Variants in IMPG1 observed in about 807,000 individuals in gnomAD.
IMPG1 encodes the protein interphotoreceptor matrix proteoglycan 1.
A neutral mutation model predicts 92.0 loss-of-function variants in IMPG1; 85 were observed. The ratio of observed to expected loss-of-function variants is 0.92; its 90% CI spans 0.78 to 1.11. The LOEUF (loss-of-function observed/expected upper bound fraction) is 1.11. Ranked by LOEUF, IMPG1 falls within the 50% of genes least tolerant of loss-of-function variation. The pLI is 0.00. For synonymous variants in IMPG1, 367 were observed against 334.1 expected (o/e 1.10, Z -1.08); for missense variants, 1,022 against 956.0 (o/e 1.07, Z -0.91).
chr6:76,052,105 T>A (rs2127596280), intron 1 of IMPG1, among the ~76,000 whole-genome samples: 1 of 152,152 alleles, frequency 6.6e-6, no homozygotes, highest in African/African-American at 2.4e-5. Flanking sequence ...GAACTGAAGT[T>A]GAAGGGAGAG....
chr6:75,970,297 GA>G (rs1172902506), intron 12 of IMPG1, among the ~76,000 whole-genome samples: 1 of 151,750 alleles, frequency 6.6e-6, no homozygotes, highest in Non-Finnish European at 1.5e-5. Context: ...GTGTTGCCTT[GA>G]GCAGTGGTCA....
At chr6:76,036,238 A>G (rs912832358) in intron 2 of IMPG1, among the ~76,000 whole-genome samples, 4 of 152,218 alleles carry the variant, frequency 2.6e-5, no homozygotes, top group Non-Finnish European at 5.9e-5. Context: ...GCACAATATA[A>G]ATAACGACTA....
chr6:76,015,684 C>T (rs1783272954), intron 7 of IMPG1, among the ~76,000 whole-genome samples: 1 of 149,808 alleles, frequency 6.7e-6, no homozygotes, highest in Admixed American at 6.8e-5. Flanking sequence ...CCTGTAATTT[C>T]AACTACTTGG....
At chr6:75,936,090 T>A (rs1019208925) in intron 14 of IMPG1, among the ~76,000 whole-genome samples, 2 of 152,210 alleles carry the variant, frequency 1.3e-5, no homozygotes, top group African/African-American at 4.8e-5. Flanking sequence ...GTTCTACCAG[T>A]GAAGAAGCCT....
intron 12 of IMPG1, among the ~76,000 whole-genome samples, chr6:75,983,194 T>A (rs924220084): frequency 1.3e-5 from 2 of 151,710 alleles, no homozygotes; most frequent in African/African-American, 4.8e-5. Context: ...ATCTATCAAT[T>A]TCAATAAAAT....
intron 15 of IMPG1, among the ~76,000 whole-genome samples, chr6:75,924,671 T>C (rs375863796): frequency 4.0e-4 from 4 of 9,936 alleles, no homozygotes; most frequent in African/African-American, 1.7e-3. Flanking sequence ...TATAATAAAT[T>C]ATATATTATA....
At chr6:76,063,837 G>A (rs576687787) in intron 1 of IMPG1, among the ~76,000 whole-genome samples, 31 of 152,328 alleles carry the variant, frequency 2.0e-4, no homozygotes, top group African/African-American at 6.3e-4. Context: ...GGAAAAGAGT[G>A]CAGTGCACCA....
intron 14 of IMPG1, among the ~76,000 whole-genome samples, chr6:75,932,777 T>C (rs1176247381): frequency 6.6e-6 from 1 of 152,068 alleles, no homozygotes; most frequent in Admixed American, 6.6e-5. Flanking sequence ...CTCAACTCAC[T>C]GTAACCTCCG....
At chr6:76,027,107 A>G (rs896000253) in intron 4 of IMPG1, among the ~76,000 whole-genome samples, 2 of 152,336 alleles carry the variant, frequency 1.3e-5, no homozygotes, top group East Asian at 1.9e-4. Flanking sequence ...AAGCTGTAGT[A>G]CCTTGCAGTG....
chr6:75,955,642 T>A (rs1471113943), intron 12 of IMPG1, among the ~76,000 whole-genome samples: 1 of 152,214 alleles, frequency 6.6e-6, no homozygotes, highest in African/African-American at 2.4e-5. Flanking sequence ...CTATGTTGAA[T>A]AGGAATGGTG....
intron 1 of IMPG1, among the ~76,000 whole-genome samples, chr6:76,061,861 T>A (rs11965460): frequency 0.026 from 3,899 of 152,308 alleles, 142 homozygotes; most frequent in African/African-American, 0.086. Context: ...TGGTGTCTTT[T>A]TGAAGTAATT....
chr6:75,975,055 T>C lies in IMPG1; in HGVS notation c.1292-23961A>G, dbSNP rs990988489. 1.1e-4 allele frequency among the ~76,000 whole-genome samples: 17 copies of C among 152,362 alleles called. No individual in the cohort carries two copies. The South Asian group carries it at 1.4e-3, about 13-fold the overall frequency. On this transcript the variant is annotated intron_variant, in intron 12 of 16. Transcript: ENST00000369950. ...ATCAGAACTAAAATGGATGTATCTG[T>C]TGACTTGGATGTGCCTGTGCCAGGA... is the stretch of plus-strand genomic sequence containing the variant.
intron 1 of IMPG1, among the ~76,000 whole-genome samples, chr6:76,051,845 A>C (rs1346764745): frequency 6.6e-6 from 1 of 152,140 alleles, no homozygotes; most frequent in Non-Finnish European, 1.5e-5. Context: ...ATCAGGTTTA[A>C]CCATCAGACT....
chr6:76,064,832 C>T (rs1161914685), intron 1 of IMPG1, among the ~76,000 whole-genome samples: 2 of 152,126 alleles, frequency 1.3e-5, no homozygotes, highest in African/African-American at 4.8e-5. Flanking sequence ...GGAGATGGAA[C>T]TGCACAACCT....
chr6:76,032,627 A>T (rs1783670279), intron 4 of IMPG1, among the ~76,000 whole-genome samples: 1 of 152,214 alleles, frequency 6.6e-6, no homozygotes, highest in Non-Finnish European at 1.5e-5. Flanking sequence ...AAATACAAGT[A>T]CCAAACAGAG....
At chr6:76,066,327 C>T (rs1383000151) in intron 1 of IMPG1, among the ~76,000 whole-genome samples, 2 of 151,850 alleles carry the variant, frequency 1.3e-5, no homozygotes, top group Non-Finnish European at 2.9e-5. Flanking sequence ...TTATAAAAAA[C>T]TTGGTAAAAC....
Position 75,921,354 on chromosome 6 carries a change from G to A in IMPG1, c.*735C>T, listed in dbSNP as rs1781425061. On this transcript the variant is annotated 3_prime_UTR_variant, in exon 17 of 17. Coordinates refer to ENST00000369950, the MANE Select transcript of IMPG1 (RefSeq NM_001563.4). Reference sequence around the variant, plus strand: ...GTGGTGGAAGACAGGAATTGATTATGTCATATAGTACAACTTCGCCCTTCT... The same window carrying A: ...GTGGTGGAAGACAGGAATTGATTATATCATATAGTACAACTTCGCCCTTCT... 1 of 152,202 alleles carries A rather than the reference G, an allele frequency of 6.6e-6. No individual in the cohort carries two copies. Among genetic ancestry groups the A allele is most frequent in the Non-Finnish European group, 1.5e-5 (1 of 68,040 alleles). 9.4% of individuals were successfully genotyped at this position (152,202 alleles called of 1,614,324 possible). A position where few individuals can be genotyped will look rare whatever the true frequency, so the allele number is the denominator to read the frequency against.
intron 7 of IMPG1, among the ~76,000 whole-genome samples, chr6:76,016,933 G>A (rs1172838558): frequency 6.6e-6 from 1 of 152,142 alleles, no homozygotes; most frequent in Non-Finnish European, 1.5e-5. Flanking sequence ...GATAGCAAAG[G>A]CCATAGACAC....
chr6:76,063,128 C>CA (rs1784236063), intron 1 of IMPG1, among the ~76,000 whole-genome samples: 1 of 151,958 alleles, frequency 6.6e-6, no homozygotes, highest in African/African-American at 2.4e-5. Flanking sequence ...CGCTGGAACA[C>CA]AGGAGGCAGA....
Sources: gnomAD v4.1 joint callset for allele counts (sites outside exome capture counted in the v4.1 genomes callset) on GRCh38, gnomAD v4.1.1 for gene constraint, MANE v1.5 for transcripts, NCBI Gene and HGNC (gene_info 2026-07-23, HGNC 2026-07-21) for gene names.